Variants in PTPRK observed in about 807,000 individuals in gnomAD.
PTPRK encodes the protein protein tyrosine phosphatase receptor type K.
Under a neutral mutation model 178.0 loss-of-function variants are expected in PTPRK, and 75 were observed. The ratio of observed to expected loss-of-function variants is 0.42; its 90% CI spans 0.35 to 0.51. The LOEUF (loss-of-function observed/expected upper bound fraction) is 0.51, where lower values mean the gene tolerates loss of function less well. Ranked by LOEUF, PTPRK falls within the 20% of genes least tolerant of loss-of-function variation. PTPRK has a pLI of 0.02. For missense variants in PTPRK, 1,441 were observed against 1,797.8 expected, an observed-to-expected ratio of 0.80 and a Z score of 3.59; for synonymous variants, 637 against 620.6, an observed-to-expected ratio of 1.03 and a Z score of -0.39.
At chr6:128,109,602 G>A (rs7751187) in intron 7 of PTPRK, among the ~76,000 whole-genome samples, 4,884 of 152,146 alleles carry the variant, frequency 0.032, 199 homozygotes, top group African/African-American at 0.081. Flanking sequence ...AAGAAAGGAA[G>A]CACAACTTAA....
chr6:128,501,424 C>G (rs1487274095), intron 1 of PTPRK, among the ~76,000 whole-genome samples: 1 of 151,700 alleles, frequency 6.6e-6, no homozygotes, highest in Non-Finnish European at 1.5e-5. Flanking sequence ...CACACCCTTC[C>G]CATTAAAAGG....
chr6:128,173,638 A>G (rs1057146377), intron 7 of PTPRK, among the ~76,000 whole-genome samples: 4 of 152,088 alleles, frequency 2.6e-5, no homozygotes, highest in Admixed American at 6.6e-5. Context: ...GAGCCCTTCA[A>G]GTTAAAACCT....
intron 15 of PTPRK, among the ~76,000 whole-genome samples, chr6:127,999,197 T>C (rs1009214337): frequency 6.6e-6 from 1 of 152,018 alleles, no homozygotes; most frequent in African/African-American, 2.4e-5. Flanking sequence ...CTGAGTTGTT[T>C]TTCTTGCATC....
chr6:128,297,219 A>G lies in PTPRK; in HGVS notation c.495+24820T>C, dbSNP rs1012753918. Among the ~76,000 whole-genome samples the G allele has an allele frequency of 8.5e-5, 13 of 152,254 alleles. 1 individual carries two copies. The highest frequency in any genetic ancestry group is 3.1e-4 in the African/African-American group (13 of 41,520). On this transcript the variant is annotated intron_variant, in intron 3 of 29. Transcript: ENST00000368226. ...ACCCAACACAGGAGCACCCAGATTC[A>G]TAAAGCAAGTCCTGAGTGACCTACA...
intron 15 of PTPRK, among the ~76,000 whole-genome samples, chr6:128,004,817 G>A (rs779022767): frequency 6.6e-6 from 1 of 151,820 alleles, no homozygotes; most frequent in Admixed American, 6.6e-5. Context: ...GCAATGACAC[G>A]TGCTATGGAC....
At position 128,038,605 on chromosome 6, in the gene PTPRK, A is replaced by G. The variant is rs773245427; in HGVS notation, c.2194+26153T>C. Among the ~76,000 whole-genome samples the G allele has an allele frequency of 4.5e-4, 69 of 152,188 alleles. 2 individuals are homozygous for G. Among genetic ancestry groups the G allele is most frequent in the Non-Finnish European group, 1.0e-4 (7 of 68,020 alleles). On this transcript the variant is annotated intron_variant, in intron 13 of 29. Coordinates refer to ENST00000368226, the MANE Select transcript of PTPRK (RefSeq NM_002844.4). Reference sequence around the variant, plus strand: ...AAAAAGCCTATCTTAAATCAAGATGATTTAGAATCTACTGCAGCTCAGGAA... The same window carrying G: ...AAAAAGCCTATCTTAAATCAAGATGGTTTAGAATCTACTGCAGCTCAGGAA...
chr6:128,144,711 G>T (rs139151606), intron 7 of PTPRK, among the ~76,000 whole-genome samples: 3,424 of 152,096 alleles, frequency 0.023, 105 homozygotes, highest in African/African-American at 0.048. Context: ...CAAGGACTTT[G>T]TTTACTACTG....
intron 1 of PTPRK, among the ~76,000 whole-genome samples, chr6:128,483,031 T>C (rs571393466): frequency 1.6e-4 from 25 of 152,302 alleles, no homozygotes; most frequent in African/African-American, 5.5e-4. Context: ...AATAAAATTA[T>C]ACTAATCTGA....
chr6:128,451,889 G>C (rs1030603839), intron 1 of PTPRK, among the ~76,000 whole-genome samples: 9 of 151,998 alleles, frequency 5.9e-5, no homozygotes, highest in African/African-American at 1.9e-4. Flanking sequence ...ATTATAGCAT[G>C]GTTTTCAATA....
chr6:128,014,809 T>C (rs186151638), intron 13 of PTPRK, among the ~76,000 whole-genome samples: 2 of 151,784 alleles, frequency 1.3e-5, no homozygotes, highest in Admixed American at 1.3e-4. Flanking sequence ...TTTAACTCAA[T>C]GATCTTTTGA....
chr6:128,328,281 A>T (rs1829833856), intron 2 of PTPRK, among the ~76,000 whole-genome samples: 1 of 152,184 alleles, frequency 6.6e-6, no homozygotes, highest in Non-Finnish European at 1.5e-5. Flanking sequence ...TGAAGGACAA[A>T]TTTTAAGCTC....
intron 13 of PTPRK, among the ~76,000 whole-genome samples, chr6:128,030,805 A>G (rs1283632905): frequency 6.6e-6 from 1 of 152,200 alleles, no homozygotes; most frequent in East Asian, 1.9e-4. Context: ...AGCTGACATA[A>G]AAATAATTCC....
At chr6:128,230,670 A>G (rs1812143682) in intron 5 of PTPRK, 1 of 152,224 alleles carries the variant, frequency 6.6e-6, no homozygotes, top group African/African-American at 2.4e-5. Flanking sequence ...CCAGTGATCC[A>G]TGTTGTAATA....
intron 2 of PTPRK, among the ~76,000 whole-genome samples, chr6:128,351,932 G>A (rs1198881367): frequency 2.6e-5 from 4 of 151,900 alleles, no homozygotes; most frequent in African/African-American, 9.7e-5. Context: ...TTTCTATTGG[G>A]CCTTCTGATT....
chr6:128,168,337 C>A (rs1223461177), intron 7 of PTPRK, among the ~76,000 whole-genome samples: 1 of 151,974 alleles, frequency 6.6e-6, no homozygotes, highest in Non-Finnish European at 1.5e-5. Context: ...GAAAGTTGAA[C>A]AACCATTATA....
intron 16 of PTPRK, among the ~76,000 whole-genome samples, chr6:127,998,214 A>G (rs1777386816): frequency 6.6e-6 from 1 of 151,626 alleles, no homozygotes; most frequent in African/African-American, 2.4e-5. Flanking sequence ...GCAGTGCTCT[A>G]TTTTTTTTCT....
At chr6:128,038,696 T>G (rs970218995) in intron 13 of PTPRK, among the ~76,000 whole-genome samples, 2 of 152,198 alleles carry the variant, frequency 1.3e-5, no homozygotes, top group Admixed American at 6.5e-5. Context: ...CAGGCTTTTC[T>G]TAAGGAGCAG....
At chr6:128,157,300 G>A (rs550635625) in intron 7 of PTPRK, among the ~76,000 whole-genome samples, 12 of 152,000 alleles carry the variant, frequency 7.9e-5, no homozygotes, top group African/African-American at 2.6e-4. Flanking sequence ...TCTTAAATGG[G>A]AAAGATACTT....
At chr6:128,517,277 C>T (rs1417575644) in intron 1 of PTPRK, among the ~76,000 whole-genome samples, 3 of 152,084 alleles carry the variant, frequency 2.0e-5, no homozygotes, top group Non-Finnish European at 4.4e-5. Context: ...TCATAAAAAA[C>T]ATGTGGAAAG....
Sources: gnomAD v4.1 joint callset for allele counts (sites outside exome capture counted in the v4.1 genomes callset) on GRCh38, gnomAD v4.1.1 for gene constraint, MANE v1.5 for transcripts, NCBI Gene and HGNC (gene_info 2026-07-23, HGNC 2026-07-21) for gene names.